The following PDZD2 variants were observed in gnomAD, a reference collection of about 807,000 sequenced individuals.
PDZD2 encodes the protein PDZ domain-containing protein 2.
Under a neutral mutation model 220.7 loss-of-function variants are expected in PDZD2, and 90 were observed. The observed-to-expected ratio is 0.41, with a 90% CI of 0.34 to 0.49. The LOEUF (loss-of-function observed/expected upper bound fraction) is 0.49. Ranked by LOEUF, PDZD2 falls within the 20% of genes least tolerant of loss-of-function variation. The pLI is 0.28. For missense variants in PDZD2, 3,174 were observed against 3,608.5 expected (o/e 0.88, Z 3.08); for synonymous variants, 1,375 against 1,450.5 (o/e 0.95, Z 1.18).
At chr5:31,722,750 C>T (rs766077682) in intron 1 of PDZD2, among the ~76,000 whole-genome samples, 6 of 151,276 alleles carry the variant, frequency 4.0e-5, no homozygotes, top group African/African-American at 1.2e-4. Context: ...AATGCTGTGG[C>T]GCAATCTCAG....
At chr5:31,874,028 G>T (rs1739080894) in intron 2 of PDZD2, among the ~76,000 whole-genome samples, 1 of 152,162 alleles carries the variant, frequency 6.6e-6, no homozygotes, top group Non-Finnish European at 1.5e-5. Flanking sequence ...GTGCCTGGGT[G>T]CAGTCTTTGA....
At chr5:31,845,474 G>C (rs868709646) in intron 2 of PDZD2, among the ~76,000 whole-genome samples, 2 of 152,230 alleles carry the variant, frequency 1.3e-5, no homozygotes, top group Admixed American at 6.5e-5. Context: ...GTGTTCCCTG[G>C]AGAATGAGTG....
chr5:31,962,178 T>G (rs1208145385), intron 2 of PDZD2, among the ~76,000 whole-genome samples: 1 of 152,214 alleles, frequency 6.6e-6, no homozygotes. Context: ...ACCCCCTTTT[T>G]CAGCTCTTCT....
intron 2 of PDZD2, among the ~76,000 whole-genome samples, chr5:31,932,861 G>A (rs984596885): frequency 3.3e-5 from 5 of 151,306 alleles, no homozygotes; most frequent in Non-Finnish European, 5.9e-5. Context: ...AATCATATAG[G>A]GTTTGTCCTT....
chr5:31,991,656 A>G (rs1275542292), intron 3 of PDZD2, among the ~76,000 whole-genome samples: 2 of 152,258 alleles, frequency 1.3e-5, no homozygotes, highest in Non-Finnish European at 2.9e-5. Flanking sequence ...GATTTTGGCC[A>G]GTACAAGTTT....
At chr5:31,790,457 G>A (rs1414457818) in intron 1 of PDZD2, among the ~76,000 whole-genome samples, 1 of 152,130 alleles carries the variant, frequency 6.6e-6, no homozygotes, top group Non-Finnish European at 1.5e-5. Context: ...GGCACAGGAA[G>A]GACACCTTTT....
intron 1 of PDZD2, among the ~76,000 whole-genome samples, chr5:31,680,803 A>T (rs1746621038): frequency 6.6e-6 from 1 of 152,040 alleles, no homozygotes; most frequent in African/African-American, 2.4e-5. Context: ...GGATTTGTAG[A>T]TGCTTCCTGT....
intron 2 of PDZD2, among the ~76,000 whole-genome samples, chr5:31,963,070 C>T (rs985695995): frequency 2.0e-5 from 3 of 152,150 alleles, no homozygotes; most frequent in African/African-American, 7.2e-5. Context: ...TACTCTAAAA[C>T]ATGTTTGTGG....
At chr5:31,923,362 TC>T in intron 2 of PDZD2, 1 of 1,149,574 alleles carries the variant, frequency 8.7e-7, no homozygotes, top group Non-Finnish European at 1.3e-6. Context: ...CACACGGCCA[TC>T]GCCATGGTGA....
chr5:31,984,596 GCTTGTGACTGTAGTCCCAGCAT>G (rs1750566755), intron 3 of PDZD2, among the ~76,000 whole-genome samples: 1 of 152,080 alleles, frequency 6.6e-6, no homozygotes, highest in Admixed American at 6.5e-5. Flanking sequence ...AGTCCCAGCA[GCTTGTGACTGTAGTCCCAGCAT>G]CTTGGGAGGC....
intron 1 of PDZD2, among the ~76,000 whole-genome samples, chr5:31,708,436 T>C (rs1373980117): frequency 1.3e-5 from 2 of 152,352 alleles, no homozygotes; most frequent in Non-Finnish European, 2.9e-5. Context: ...GCTTAAATTA[T>C]GCTTATTCTT....
At position 31,991,890 on chromosome 5, in the gene PDZD2, G is replaced by A. The variant is rs182378180; in HGVS notation, c.979-3686G>A. On this transcript the variant is annotated intron_variant, in intron 3 of 24. Coordinates refer to ENST00000438447, the MANE Select transcript of PDZD2 (RefSeq NM_178140.4). ...CTAATAATACAAAAATTAGCTGAGT[G>A]GATGTGGTGGTGTGCACCTGTAATC... is the stretch of plus-strand genomic sequence containing the variant. Among the ~76,000 whole-genome samples the A allele has an allele frequency of 8.2e-4, 125 of 152,270 alleles. 2 individuals carry two copies. Among genetic ancestry groups the A allele is most frequent in the African/African-American group, 2.0e-3 (82 of 41,560 alleles).
chr5:32,004,711 C>T (rs1394782823), intron 5 of PDZD2, among the ~76,000 whole-genome samples: 4 of 152,226 alleles, frequency 2.6e-5, no homozygotes, highest in Admixed American at 6.5e-5. Context: ...AGCTGCTTCT[C>T]GTGCACCAAG....
intron 2 of PDZD2, among the ~76,000 whole-genome samples, chr5:31,904,893 G>A (rs532271894): frequency 4.3e-4 from 66 of 152,250 alleles, no homozygotes; most frequent in African/African-American, 1.6e-3. Context: ...TGCTGCTTGT[G>A]TTTCAAATTC....
intron 7 of PDZD2, 151 bp from the exon 8 acceptor site, chr5:32,048,388 A>T: frequency 1.6e-6 from 1 of 628,116 alleles, no homozygotes. Context: ...TGCTATTAGG[A>T]TGGGCTAGGC....
chr5:31,762,478 G>T (rs1751709386), intron 1 of PDZD2, among the ~76,000 whole-genome samples: 1 of 152,106 alleles, frequency 6.6e-6, no homozygotes, highest in Non-Finnish European at 1.5e-5. Flanking sequence ...GGTAGAGATG[G>T]GGTTTCACCA....
At chr5:31,877,280 A>G (rs901960800) in intron 2 of PDZD2, among the ~76,000 whole-genome samples, 2 of 151,954 alleles carry the variant, frequency 1.3e-5, no homozygotes, top group South Asian at 2.1e-4. Flanking sequence ...CAGCGGTGCA[A>G]TCTCGGCTTA....
intron 17 of PDZD2, among the ~76,000 whole-genome samples, chr5:32,073,608 G>GGGGC (rs34947250): frequency 1.7e-5 from 2 of 119,194 alleles, no homozygotes; most frequent in African/African-American, 2.9e-5. Flanking sequence ...AGAAAAGGGC[G>GGGGC]GGGGGGGTAG....
At chr5:31,977,771 G>A (rs995269640) in intron 2 of PDZD2, among the ~76,000 whole-genome samples, 5 of 152,120 alleles carry the variant, frequency 3.3e-5, no homozygotes, top group Non-Finnish European at 7.3e-5. Context: ...CCAGGAGTTC[G>A]AGACCAGCCT....
Sources: allele counts gnomAD v4.1 joint callset (sites outside exome capture counted in the v4.1 genomes callset), GRCh38; gene constraint gnomAD v4.1.1; transcripts MANE v1.5; gene names NCBI Gene and HGNC (gene_info 2026-07-23, HGNC 2026-07-21).